IDUA: variants seen among roughly 807,000 people sequenced by gnomAD.
The protein encoded by IDUA is iduronidase alpha-L-.
A neutral mutation model predicts 68.9 loss-of-function variants in IDUA; 65 were observed. The observed-to-expected ratio is 0.94, with a 90% CI of 0.77 to 1.16. IDUA has a LOEUF of 1.16. Among genes scored for constraint, IDUA ranks in the 50% most tolerant of loss-of-function variants. IDUA has a pLI of 0.00. For missense variants in IDUA, 1,046 were observed against 938.0 expected (o/e 1.12, Z -1.50); for synonymous variants, 529 against 433.6 (o/e 1.22, Z -2.73).
At chr4:992,026 C>T in intron 2 of IDUA, 1 of 612,018 alleles carries the variant, frequency 1.6e-6, no homozygotes, top group Non-Finnish European at 3.1e-6. Context: ...GCACCCTGTC[C>T]AGGCTCAGCT....
chr4:987,005 G>T (rs1713765753), upstream of IDUA: 2 of 1,388,914 alleles, frequency 1.4e-6, no homozygotes, highest in Non-Finnish European at 1.9e-6. Context: ...CGGTCACATG[G>T]GGTGCGCGCC....
intron 2 of IDUA, 129 bp downstream of exon 2, chr4:988,078 G>A: frequency 1.4e-6 from 2 of 1,456,424 alleles, no homozygotes; most frequent in Non-Finnish European, 1.8e-6. Flanking sequence ...GTTGGGGAGA[G>A]CGTGTCCTTG....
rs1192384828 is a variant in IDUA, at chr4:1,002,854, G to C, written c.1312G>C (p.Val438Leu). ...CCCGGCCGACGCCTGGCGCGCCGCG[G>C]TGCTGATCTACGCGAGCGACGACAC... Reference protein sequence around the residue: ...QGPADAWRAAVLIYASDDTRA... With the variant: ...QGPADAWRAALLIYASDDTRA... The change falls in exon 9 of 14, where the codon GTG (valine) becomes CTG (leucine). Residue 438 changes from valine to leucine, a missense_variant. Transcript: ENST00000514224. The C allele has an allele frequency of 1.4e-6, 2 of 1,453,968 alleles. No homozygotes were observed. The highest frequency in any genetic ancestry group is 2.6e-5 in the Admixed American group (1 of 38,162). 90.1% of individuals were successfully genotyped at this position (1,453,968 alleles called of 1,614,324 possible). A position where few individuals can be genotyped will look rare whatever the true frequency, so the allele number is the denominator to read the frequency against.
rs575903921 is a variant in IDUA, at chr4:990,024, C to G, written c.299+2075C>G. ...GCTTGTGGAGCTGCCCGAAGTGCGA[C>G]ACGAGTGTGGCCACCACGATGACCA... On this transcript the variant is annotated intron_variant, in intron 2 of 13. Transcript: ENST00000514224. 3.8e-6 allele frequency: 6 copies of G among 1,590,514 alleles called. No homozygotes were observed. In the East Asian group the frequency reaches 1.1e-4, roughly 30 times the overall value.
chr4:1,001,971 CCCGCCCGCAGGGTGCG>C lies in IDUA; in HGVS notation c.793-9_799del, dbSNP rs1383340178. 1.3e-6 allele frequency: 2 copies of C among 1,576,734 alleles called. No individual in the cohort carries two copies. Among genetic ancestry groups the C allele is most frequent in the Non-Finnish European group, 8.6e-7 (1 of 1,162,900 alleles). On this transcript the variant is annotated splice_acceptor_variant and splice_polypyrimidine_tract_variant and coding_sequence_variant and intron_variant, in exon 7 of 14. Transcript: ENST00000514224. LOFTEE classifies it high-confidence loss of function. ...CTGACCCTGGTGGTGCTGAGGCGGC[CCCGCCCGCAGGGTGCG>C]CGCAGCTCCATCTCCATCCTGGAGC...
At chr4:988,186 C>T (rs927687174) in intron 2 of IDUA, 41 of 1,368,372 alleles carry the variant, frequency 3.0e-5, no homozygotes, top group Non-Finnish European at 3.2e-5. Flanking sequence ...GGGTTGGCTG[C>T]GCCGCACCTG....
rs761374916 is a variant in IDUA, at chr4:1,001,768, A to AC, written c.683dup (p.Pro229ThrfsTer170). 1 of 1,599,348 alleles carries AC rather than the reference A, an allele frequency of 6.3e-7. No homozygotes were observed. Among genetic ancestry groups the AC allele is most frequent in the Non-Finnish European group, 8.5e-7 (1 of 1,177,182 alleles). ...GGGAGGCCCCGGCGACTCCTTCCAC[A>AC]CCCCACCGCGATCCCCGCTGAGCTG... On this transcript the variant is annotated frameshift_variant, in exon 6 of 14. Coordinates refer to ENST00000514224, the MANE Select transcript of IDUA (RefSeq NM_000203.5). LOFTEE classifies it high-confidence loss of function.
intron 2 of IDUA, chr4:990,954 G>A (rs1223877192): frequency 3.8e-5 from 24 of 631,326 alleles, no homozygotes; most frequent in South Asian, 5.4e-5. Flanking sequence ...TCTCCGCGTC[G>A]GTGCCTCGCC....
At chr4:999,181 G>A (rs554298150) in intron 2 of IDUA, among the ~76,000 whole-genome samples, 59 of 151,128 alleles carry the variant, frequency 3.9e-4, no homozygotes, top group Non-Finnish European at 7.2e-4. Context: ...CCCCAGGCTG[G>A]GCAACAGAGT....
At position 987,913 on chromosome 4, in the gene IDUA, T is replaced by C. The variant is rs1274398298; in HGVS notation, c.263T>C (p.Val88Ala). The C allele has an allele frequency of 1.9e-6, 3 of 1,603,916 alleles. No homozygotes were observed. In the South Asian group the frequency reaches 3.3e-5, roughly 18 times the overall value. Residue 88 changes from valine to alanine, a missense_variant, in exon 2 of 14, where the codon GTC becomes GCC. Val to Ala is a moderately conservative substitution (Grantham distance 64). Coordinates refer to ENST00000514224, the MANE Select transcript of IDUA (RefSeq NM_000203.5). ...GTCCCTCACCGCGGCATCAAGCAGG[T>C]CCGGACCCACTGGCTGCTGGAGCTT... ...GAVPHRGIKQ[V>A]RTHWLLELVT...
rs536887175 is a variant in IDUA at position 992,381 on chromosome 4, G to A, written c.299+4432G>A. Among the ~76,000 whole-genome samples, 22 of 152,336 alleles carry A rather than the reference G, an allele frequency of 1.4e-4. No individual in the cohort carries two copies. The South Asian group carries it at 4.3e-3, about 30-fold the overall frequency. On this transcript the variant is annotated intron_variant, in intron 2 of 13. Coordinates refer to ENST00000514224, the MANE Select transcript of IDUA (RefSeq NM_000203.5). ...GGGGCTGGCGGAAGTCTCAGGAAGA[G>A]GCCTCCTATGTCCCTGCCAAGCTTT...
Position 987,235 on chromosome 4 carries a change from G to A in IDUA, c.151G>A (p.Gly51Ser), listed in dbSNP as rs1464018673. 6 of 1,512,246 alleles carry A rather than the reference G, an allele frequency of 4.0e-6. No individual in the cohort carries two copies. The highest frequency in any genetic ancestry group is 2.0e-5 in the Admixed American group (1 of 49,362). The allele number at this position is 1,512,246 out of a possible 1,614,324, so 93.7% of individuals were successfully genotyped here. The stretch of plus-strand genomic sequence containing the variant: ...CCTGCGGCGCTTCTGGAGGAGCACA[G>A]GCTTCTGGTGAGCGCTCCGCGGCCT... ...WPLRRFWRSTGFCPPLPHSQA... is the reference protein window; with the variant it reads ...WPLRRFWRSTSFCPPLPHSQA... Residue 51 changes from glycine (G) to serine (S), a missense_variant, in exon 1 of 14, where the codon GGC (glycine) becomes AGC (serine). Gly to Ser is a moderately conservative substitution (Grantham distance 56). Transcript: ENST00000514224.
At chr4:987,684 G>A in intron 1 of IDUA, 125 bp from the exon 2 acceptor site, 1 of 1,510,804 alleles carries the variant, frequency 6.6e-7, no homozygotes, top group South Asian at 1.3e-5. Flanking sequence ...CATTTTATTA[G>A]TCACTGAACG....
In IDUA at chr4:1,004,070, A is replaced by T. The variant is rs1376217874; in HGVS notation, c.1786A>T (p.Ser596Cys). The stretch of plus-strand genomic sequence containing the variant: ...GGACGGTAAGGCGTACACCCCGGTC[A>T]GCAGGAAGCCATCGACCTTCAACCT... ...SQDGKAYTPV[S>C]RKPSTFNLFV... Residue 596 changes from serine (S) to cysteine (C), a missense_variant, in exon 13 of 14, where the codon AGC becomes TGC. Coordinates refer to ENST00000514224, the MANE Select transcript of IDUA (RefSeq NM_000203.5). This position sits in a 1 kb window ranked among gnomAD's most constrained non-coding sequence, Gnocchi z 5.0. 1.2e-6 allele frequency: 2 copies of T among 1,611,862 alleles called. No individual in the cohort carries two copies. The highest frequency in any genetic ancestry group is 1.7e-6 in the Non-Finnish European group (2 of 1,179,730).
chr4:992,394 C>T (rs1714437015), intron 2 of IDUA, among the ~76,000 whole-genome samples: 1 of 152,236 alleles, frequency 6.6e-6, no homozygotes, highest in South Asian at 2.1e-4. Flanking sequence ...CTCCTATGTC[C>T]CTGCCAAGCT....
chr4:997,700 G>C (rs1714825358), intron 2 of IDUA, among the ~76,000 whole-genome samples: 1 of 152,156 alleles, frequency 6.6e-6, no homozygotes. Context: ...CGCCGGCCCA[G>C]TCCCCTCCCC....
At chr4:993,638 G>GA (rs55886132) in intron 2 of IDUA, among the ~76,000 whole-genome samples, 12 of 152,178 alleles carry the variant, frequency 7.9e-5, no homozygotes, top group African/African-American at 2.7e-4. Flanking sequence ...TGCCGGGGGG[G>GA]CTTAGGGACC....
intron 2 of IDUA, chr4:990,022 G>T (rs563866785): frequency 6.3e-7 from 1 of 1,589,090 alleles, no homozygotes; most frequent in African/African-American, 1.3e-5. Flanking sequence ...CCCGAAGTGC[G>T]ACACGAGTGT....
intron 2 of IDUA, among the ~76,000 whole-genome samples, chr4:998,030 G>A (rs1156394192): frequency 2.0e-5 from 3 of 152,246 alleles, no homozygotes; most frequent in South Asian, 2.1e-4. Flanking sequence ...CAACTCCGTG[G>A]GACTTTGGAA....
Sources: allele counts gnomAD v4.1 joint callset (sites outside exome capture counted in the v4.1 genomes callset), GRCh38; gene constraint gnomAD v4.1.1; non-coding constraint Gnocchi (gnomAD v3.1); transcripts MANE v1.5; gene names NCBI Gene and HGNC (gene_info 2026-07-23, HGNC 2026-07-21).